The following PRKG1 variants were observed in gnomAD, a reference collection of about 807,000 sequenced individuals.
PRKG1 encodes the protein cGMP-dependent protein kinase 1.
Under a neutral mutation model 88.1 loss-of-function variants are expected in PRKG1, and 35 were observed. The ratio of observed to expected loss-of-function variants is 0.40; its 90% confidence interval spans 0.30 to 0.53. The LOEUF (loss-of-function observed/expected upper bound fraction) is 0.53, where lower values mean the gene tolerates loss of function less well. Among genes scored for constraint, PRKG1 ranks in the 20% least tolerant of loss-of-function variants. The probability of loss-of-function intolerance (pLI) is 0.59; values close to 1 mark genes in which losing one functional copy is unlikely to be tolerated. For synonymous variants in PRKG1, 303 were observed against 292.5 expected, an observed-to-expected ratio of 1.04 and a Z score of -0.37; for missense variants, 540 against 839.8, an observed-to-expected ratio of 0.64 and a Z score of 4.41.
rs1170678844 is a variant in PRKG1 at position 51,074,491 on chromosome 10, G to C, written c.-100G>C. The C allele has an allele frequency of 7.4e-6, 11 of 1,486,968 alleles. No homozygotes were observed. The highest frequency in any genetic ancestry group is 4.2e-5 in the South Asian group (3 of 72,076). The allele number at this position is 1,486,968 out of a possible 1,614,324, so 92.1% of individuals were successfully genotyped here. A position where few individuals can be genotyped will look rare whatever the true frequency, so the allele number is the denominator to read the frequency against. ...TCTCAAGTAGGAAGCTTTGGCACTC[G>C]GGAGGCAGCGGCGACTTTGGGGAAA... On this transcript the variant is annotated 5_prime_UTR_variant, in exon 1 of 18. Coordinates refer to ENST00000373980, the MANE Select transcript of PRKG1 (RefSeq NM_006258.4).
intron 7 of PRKG1, among the ~76,000 whole-genome samples, chr10:52,076,015 A>C (rs1846620036): frequency 6.6e-6 from 1 of 152,196 alleles, no homozygotes; most frequent in Non-Finnish European, 1.5e-5. Flanking sequence ...ATTGATTTTC[A>C]ACAAAGGTTC....
intron 3 of PRKG1, among the ~76,000 whole-genome samples, chr10:51,549,089 C>T (rs1030837264): frequency 2.9e-5 from 4 of 139,426 alleles, no homozygotes; most frequent in Admixed American, 7.3e-5. Flanking sequence ...AAGTTTCTTC[C>T]CTTCCTTCTT....
At chr10:51,764,797 G>T (rs1384647836) in intron 3 of PRKG1, among the ~76,000 whole-genome samples, 2 of 152,192 alleles carry the variant, frequency 1.3e-5, no homozygotes, top group Non-Finnish European at 2.9e-5. Context: ...ATATTATGAA[G>T]TGGAACCTTT....
intron 9 of PRKG1, among the ~76,000 whole-genome samples, chr10:52,182,511 C>T (rs375285203): frequency 2.2e-4 from 20 of 91,476 alleles, no homozygotes; most frequent in Non-Finnish European, 3.5e-4. Context: ...TCCTTGCCCA[C>T]GCCTATGTCC....
chr10:51,176,498 G>A (rs1046453155), intron 2 of PRKG1, among the ~76,000 whole-genome samples: 1 of 152,138 alleles, frequency 6.6e-6, no homozygotes, highest in African/African-American at 2.4e-5. Flanking sequence ...GATAATAAAT[G>A]TACCTAGTAC....
At chr10:51,877,944 C>A (rs1841339658) in intron 4 of PRKG1, among the ~76,000 whole-genome samples, 2 of 152,076 alleles carry the variant, frequency 1.3e-5, no homozygotes, top group African/African-American at 4.8e-5. Context: ...AGAAAGATAC[C>A]ACTACTACAA....
intron 4 of PRKG1, among the ~76,000 whole-genome samples, chr10:51,885,549 T>C (rs1254388988): frequency 2.6e-5 from 4 of 152,218 alleles, no homozygotes; most frequent in Non-Finnish European, 5.9e-5. Context: ...CTCTTTACCG[T>C]TAGACACCTC....
intron 5 of PRKG1, among the ~76,000 whole-genome samples, chr10:51,939,908 A>G (rs771510089): frequency 1.3e-5 from 2 of 151,996 alleles, no homozygotes; most frequent in African/African-American, 2.4e-5. Context: ...GGTGACTTAG[A>G]TACTCAGAAA....
At chr10:51,908,534 G>A (rs904193148) in intron 5 of PRKG1, 5 of 151,898 alleles carry the variant, frequency 3.3e-5, no homozygotes, top group African/African-American at 7.3e-5. Context: ...GATGGCTCTA[G>A]GCAGAGCAAT....
intron 5 of PRKG1, among the ~76,000 whole-genome samples, chr10:52,034,487 T>C (rs1845554408): frequency 6.6e-6 from 1 of 151,834 alleles, no homozygotes; most frequent in African/African-American, 2.4e-5. Context: ...ATTGAGAAAC[T>C]AAATGGAATA....
At chr10:51,701,052 A>G (rs1841452443) in intron 3 of PRKG1, among the ~76,000 whole-genome samples, 1 of 152,214 alleles carries the variant, frequency 6.6e-6, no homozygotes, top group Admixed American at 6.5e-5. Context: ...CATCAATTTT[A>G]TATTTTTTAT....
In PRKG1 at chr10:51,871,380, G is replaced by T. The variant is rs551446535; in HGVS notation, c.699-36127G>T. 2.0e-5 allele frequency among the ~76,000 whole-genome samples: 3 copies of T among 152,242 alleles called. No individual in the cohort carries two copies. The South Asian group carries it at 6.2e-4, about 32-fold the overall frequency. ...TTCATGTGTGATCCCACGTCTTCTTGCTTCCCCCATCTCTAGGACTGGTTC... is the reference window on the plus strand; with the variant it reads ...TTCATGTGTGATCCCACGTCTTCTTTCTTCCCCCATCTCTAGGACTGGTTC... On this transcript the variant is annotated intron_variant, in intron 4 of 17. Coordinates refer to ENST00000373980, the MANE Select transcript of PRKG1 (RefSeq NM_006258.4).
intron 9 of PRKG1, among the ~76,000 whole-genome samples, chr10:52,171,776 T>G (rs1838686778): frequency 6.8e-6 from 1 of 146,800 alleles, no homozygotes; most frequent in African/African-American, 2.6e-5. Context: ...AGTATTTTTC[T>G]TTTATCAAAA....
intron 2 of PRKG1, among the ~76,000 whole-genome samples, chr10:51,349,927 T>A (rs1842203576): frequency 6.6e-6 from 1 of 152,142 alleles, no homozygotes; most frequent in East Asian, 1.9e-4. Context: ...CTGCCCTAAA[T>A]GAGCTTACTC....
At chr10:51,997,401 G>A (rs1465063816) in intron 5 of PRKG1, among the ~76,000 whole-genome samples, 3 of 151,128 alleles carry the variant, frequency 2.0e-5, no homozygotes, top group Non-Finnish European at 4.4e-5. Flanking sequence ...AACCCGGGAG[G>A]CGGAGGTTGC....
At chr10:51,931,666 C>G (rs1275090674) in intron 5 of PRKG1, among the ~76,000 whole-genome samples, 1 of 152,112 alleles carries the variant, frequency 6.6e-6, no homozygotes, top group Non-Finnish European at 1.5e-5. Context: ...AGGAAAAACT[C>G]TCAGTTGTAC....
chr10:51,461,544 GATTTTCAAACAT>G (rs918651256), intron 2 of PRKG1, among the ~76,000 whole-genome samples: 20 of 152,270 alleles, frequency 1.3e-4, no homozygotes, highest in African/African-American at 4.3e-4. Flanking sequence ...TCCAAAGAAT[GATTTTCAAACAT>G]CCAGATTAAT....
intron 9 of PRKG1, among the ~76,000 whole-genome samples, chr10:52,188,029 G>A (rs1255470557): frequency 6.6e-6 from 1 of 151,762 alleles, no homozygotes; most frequent in Non-Finnish European, 1.5e-5. Context: ...CTTTTACAAT[G>A]GTTTTTAAAC....
At chr10:50,992,591 C>T (rs746560101) in intron 1 of PRKG1, among the ~76,000 whole-genome samples, 1 of 152,096 alleles carries the variant, frequency 6.6e-6, no homozygotes, top group East Asian at 1.9e-4. Context: ...TCCTTCCTTT[C>T]CTCCTCTCCG....
Sources: gnomAD v4.1 joint callset for allele counts (sites outside exome capture counted in the v4.1 genomes callset) on GRCh38, gnomAD v4.1.1 for gene constraint, MANE v1.5 for transcripts, NCBI Gene and HGNC (gene_info 2026-07-23, HGNC 2026-07-21) for gene names.